ZNF343: variants seen among roughly 807,000 people sequenced by gnomAD.
ZNF343 encodes zinc finger protein 343.
Under a neutral mutation model 13.8 loss-of-function variants are expected in ZNF343, and 11 were observed. The observed-to-expected ratio is 0.80, with a 90% CI of 0.50 to 1.32. The LOEUF is 1.32. ZNF343 is among the 40% of genes most tolerant of loss of function. The pLI is 0.00. For missense variants in ZNF343, 658 were observed against 714.2 expected (o/e 0.92, Z 0.90); for synonymous variants, 248 against 260.0 (o/e 0.95, Z 0.44).
intron 1 of ZNF343, among the ~76,000 whole-genome samples, chr20:2,514,594 A>C (rs1317278848): frequency 6.6e-6 from 1 of 152,220 alleles, no homozygotes; most frequent in Non-Finnish European, 1.5e-5. Context: ...TCCAGTCAGT[A>C]TTTGTAAAAA....
At chr20:2,511,106 C>T (rs2085737239), upstream of ZNF343, among the ~76,000 whole-genome samples, 1 of 151,266 alleles carries the variant, frequency 6.6e-6, no homozygotes, top group African/African-American at 2.4e-5. Flanking sequence ...TCTTTTCTTT[C>T]CTTTTCCTTT....
intron 5 of ZNF343, among the ~76,000 whole-genome samples, chr20:2,487,705 A>C (rs1476832934): frequency 6.6e-6 from 1 of 152,242 alleles, no homozygotes; most frequent in Non-Finnish European, 1.5e-5. Context: ...TTGCCAGGTC[A>C]AAGCATATGC....
intron 1 of ZNF343, among the ~76,000 whole-genome samples, chr20:2,522,794 C>CA (rs1043170114): frequency 1.3e-5 from 2 of 152,192 alleles, no homozygotes; most frequent in East Asian, 1.9e-4. Flanking sequence ...ACAAAAGACA[C>CA]AAAAAAATTA....
rs901405711 is a variant in ZNF343, at chr20:2,482,132, T to C, written c.*1029A>G. The C allele has an allele frequency of 1.3e-5, 2 of 152,138 alleles. No individual in the cohort carries two copies. The highest frequency in any genetic ancestry group is 2.4e-5 in the African/African-American group (1 of 41,428). The allele number at this position is 152,138 out of a possible 1,614,324, so 9.4% of individuals were successfully genotyped here. ...AACTTATTGCTAATGTGTTTCACAT[T>C]TTCCCTCCCCACCCATGTAAAGCTT... is the stretch of plus-strand genomic sequence containing the variant. On this transcript the variant is annotated 3_prime_UTR_variant, in exon 6 of 6. Coordinates refer to ENST00000278772, the MANE Select transcript of ZNF343 (RefSeq NM_024325.6).
At chr20:2,517,889 G>A (rs555268791) in intron 1 of ZNF343, among the ~76,000 whole-genome samples, 12 of 151,910 alleles carry the variant, frequency 7.9e-5, no homozygotes, top group East Asian at 1.9e-4. Flanking sequence ...GAAACACACC[G>A]TCATCAAAAC....
chr20:2,511,641 A>G (rs968937512), upstream of ZNF343, among the ~76,000 whole-genome samples: 2 of 152,206 alleles, frequency 1.3e-5, no homozygotes, highest in African/African-American at 4.8e-5. Context: ...TAATTTTGCT[A>G]TGGACATAAA....
intron 1 of ZNF343, among the ~76,000 whole-genome samples, chr20:2,502,088 C>T (rs898400579): frequency 3.3e-5 from 5 of 152,118 alleles, no homozygotes; most frequent in African/African-American, 1.2e-4. Flanking sequence ...GAATGCCTAA[C>T]TAGAATAACC....
chr20:2,492,724 C>T lies in ZNF343; in HGVS notation c.279G>A (p.Glu93=). Residue 93 remains glutamate, a synonymous_variant, in exon 5 of 6, where the codon GAG becomes GAA. Transcript: ENST00000278772. ...QRNLYKEVML[E]NYRNLLSLAE... ...CCAATGAGAGAAGATTCCTGTAATT[C>T]TCCAGCATCACTTCTTTGTATAGAT... 2 of 1,611,024 alleles carry T rather than the reference C, an allele frequency of 1.2e-6. No homozygotes were observed. The highest frequency in any genetic ancestry group is 1.7e-6 in the Non-Finnish European group (2 of 1,179,198).
chr20:2,523,079 A>C (rs2085789053), intron 1 of ZNF343, among the ~76,000 whole-genome samples: 1 of 152,250 alleles, frequency 6.6e-6, no homozygotes, highest in Non-Finnish European at 1.5e-5. Context: ...GAAGCTGGCC[A>C]AAACCAAAAT....
At chr20:2,516,714 T>C (rs566327536) in intron 1 of ZNF343, among the ~76,000 whole-genome samples, 1 of 151,264 alleles carries the variant, frequency 6.6e-6, no homozygotes, top group Admixed American at 6.6e-5. Flanking sequence ...AAAGGGAGAT[T>C]GAGAAAGAGA....
intron 1 of ZNF343, among the ~76,000 whole-genome samples, chr20:2,503,892 T>C (rs1003936153): frequency 7.9e-5 from 12 of 151,670 alleles, no homozygotes; most frequent in African/African-American, 2.7e-4. Flanking sequence ...ACATCACAAT[T>C]AAAAGAACTA....
intron 1 of ZNF343, among the ~76,000 whole-genome samples, chr20:2,503,139 C>CA (rs1465720880): frequency 2.0e-5 from 3 of 151,698 alleles, no homozygotes; most frequent in African/African-American, 4.8e-5. Context: ...AAATGGAAAA[C>CA]AAAAAAAGAT....
chr20:2,497,252 G>C (rs2085475448), intron 2 of ZNF343, among the ~76,000 whole-genome samples: 1 of 151,344 alleles, frequency 6.6e-6, no homozygotes, highest in Non-Finnish European at 1.5e-5. Flanking sequence ...GAAGGAAGAG[G>C]TCTACACTAG....
chr20:2,500,284 T>C (rs979131219), intron 2 of ZNF343, among the ~76,000 whole-genome samples: 4 of 152,248 alleles, frequency 2.6e-5, no homozygotes, highest in African/African-American at 4.8e-5. Flanking sequence ...AACTTTCAAA[T>C]TGTTGAGAGT....
chr20:2,523,452 C>CT (rs886163450), intron 1 of ZNF343, among the ~76,000 whole-genome samples: 77 of 150,384 alleles, frequency 5.1e-4, no homozygotes, highest in Non-Finnish European at 6.7e-4. Context: ...GAATTCTTTC[C>CT]TTTTTTTTTC....
At chr20:2,510,898 G>A (rs1183368011), upstream of ZNF343, among the ~76,000 whole-genome samples, 1 of 152,112 alleles carries the variant, frequency 6.6e-6, no homozygotes, top group East Asian at 1.9e-4. Flanking sequence ...ATTAGGGAGA[G>A]GTAAGTTGGA....
At position 2,500,754 on chromosome 20, in the gene ZNF343, A is replaced by T. The variant is rs1198829890; in HGVS notation, c.-236-12T>A. The T allele has an allele frequency of 6.6e-6, 1 of 152,198 alleles. No individual in the cohort carries two copies. Among genetic ancestry groups the T allele is most frequent in the Non-Finnish European group, 1.5e-5 (1 of 68,040 alleles). 9.4% of individuals were successfully genotyped at this position (152,198 alleles called of 1,614,324 possible). ...TGGAGAAGGTGGACCTGAGGATGAA[A>T]CAGGCAGTGTGAGATTCAGGATTGT... On this transcript the variant is annotated splice_polypyrimidine_tract_variant and intron_variant, in intron 1 of 5. Coordinates refer to ENST00000278772, the MANE Select transcript of ZNF343 (RefSeq NM_024325.6).
Position 2,484,346 on chromosome 20 carries a change from T to C in ZNF343, c.615A>G (p.Arg205=), listed in dbSNP as rs766098342. ...CTGTTTCTACCACCATGTTGCCTTT[T>C]CTAGGACTTGCTGACTGTCTTTGGA... The part of the protein sequence containing the change: ...SPLQRQSASP[R]KGNMVVETEP... Residue 205 remains arginine (R), a synonymous_variant, in exon 6 of 6, where the codon AGA becomes AGG. Coordinates refer to ENST00000278772, the MANE Select transcript of ZNF343 (RefSeq NM_024325.6). The C allele has an allele frequency of 5.0e-6, 8 of 1,614,146 alleles. No homozygotes were observed. The East Asian group carries it at 1.8e-4, about 36-fold the overall frequency.
intron 4 of ZNF343, chr20:2,493,058 T>G: frequency 1.8e-6 from 1 of 543,826 alleles, no homozygotes; most frequent in Non-Finnish European, 3.2e-6. Context: ...ACATATATGA[T>G]TTCACCGGAG....
Sources: gnomAD v4.1 joint callset for allele counts (sites outside exome capture counted in the v4.1 genomes callset) on GRCh38, gnomAD v4.1.1 for gene constraint, MANE v1.5 for transcripts, NCBI Gene and HGNC (gene_info 2026-07-23, HGNC 2026-07-21) for gene names.